The following TENM2 variants were observed in gnomAD, a reference collection of about 807,000 sequenced individuals.
TENM2 encodes teneurin-2.
TENM2 carries 52 observed loss-of-function variants against 245.2 expected under a neutral mutation model. The observed-to-expected ratio is 0.21, with a 90% CI of 0.17 to 0.27. The LOEUF is 0.27. Among genes scored for constraint, TENM2 ranks in the 10% least tolerant of loss-of-function variants. The pLI, the probability that TENM2 is intolerant of heterozygous loss-of-function variation, is 1.00. For synonymous variants in TENM2, 1,363 were observed against 1,438.9 expected, an observed-to-expected ratio of 0.95 and a Z score of 1.19; for missense variants, 3,046 against 3,666.8, an observed-to-expected ratio of 0.83 and a Z score of 4.37.
chr5:167,377,799 G>A (rs1368812834), intron 2 of TENM2, among the ~76,000 whole-genome samples: 1 of 152,074 alleles, frequency 6.6e-6, no homozygotes, highest in African/African-American at 2.4e-5. Flanking sequence ...ATTGACAGTT[G>A]CCCCACTGGT....
At chr5:167,998,936 G>A (rs1287433128) in intron 5 of TENM2, among the ~76,000 whole-genome samples, 1 of 152,150 alleles carries the variant, frequency 6.6e-6, no homozygotes, top group Non-Finnish European at 1.5e-5. Context: ...GTTTAAAGTT[G>A]CTACACTTGA....
chr5:167,466,987 G>T (rs1766699836), intron 2 of TENM2, among the ~76,000 whole-genome samples: 1 of 152,128 alleles, frequency 6.6e-6, no homozygotes, highest in Non-Finnish European at 1.5e-5. Context: ...AACATAAGTT[G>T]CCCAGCCAAA....
At chr5:167,104,005 A>T in the TENM2 span, among the ~76,000 whole-genome samples, 1 of 152,048 alleles carries the variant, frequency 6.6e-6, no homozygotes, top group African/African-American at 2.4e-5. Context: ...TTTGGTCTTG[A>T]AACTCTACTC....
intron 2 of TENM2, among the ~76,000 whole-genome samples, chr5:167,713,911 C>G (rs748396169): frequency 2.1e-4 from 32 of 152,178 alleles, no homozygotes; most frequent in Non-Finnish European, 3.5e-4. Context: ...CATCATTGTT[C>G]AGAATATGCT....
chr5:167,915,625 C>T (rs1561930163), intron 3 of TENM2, among the ~76,000 whole-genome samples: 1 of 152,134 alleles, frequency 6.6e-6, no homozygotes, highest in Non-Finnish European at 1.5e-5. Flanking sequence ...CATCCCCATT[C>T]TCCAATCCCT....
chr5:167,842,979 C>G (rs1157966738), intron 2 of TENM2, among the ~76,000 whole-genome samples: 5 of 152,112 alleles, frequency 3.3e-5, no homozygotes, highest in Admixed American at 3.3e-4. Flanking sequence ...TGAAATGCCT[C>G]CTACATAGCA....
At chr5:168,073,946 T>C (rs1318885467) in intron 7 of TENM2, among the ~76,000 whole-genome samples, 4 of 152,208 alleles carry the variant, frequency 2.6e-5, no homozygotes, top group African/African-American at 9.6e-5. Flanking sequence ...GAGCTAGCCC[T>C]GCCCTCATGT....
the TENM2 span, among the ~76,000 whole-genome samples, chr5:167,195,198 G>A: frequency 6.6e-6 from 1 of 152,020 alleles, no homozygotes; most frequent in African/African-American, 2.4e-5. Context: ...TATTAGCTGT[G>A]TACTTCTGCT....
chr5:167,744,112 C>A (rs931288180), intron 2 of TENM2, among the ~76,000 whole-genome samples: 5 of 152,278 alleles, frequency 3.3e-5, no homozygotes, highest in South Asian at 2.1e-4. Context: ...GTTTATTCAG[C>A]CTTATTACAA....
chr5:167,266,858 C>G, the TENM2 span, among the ~76,000 whole-genome samples: 82 of 152,240 alleles, frequency 5.4e-4, no homozygotes, highest in African/African-American at 1.6e-3. Context: ...TGTGAATGTG[C>G]CATGCTAGAT....
At chr5:168,013,551 C>T (rs1160929540) in intron 5 of TENM2, among the ~76,000 whole-genome samples, 4 of 152,176 alleles carry the variant, frequency 2.6e-5, no homozygotes, top group African/African-American at 9.7e-5. Context: ...CTGCAGTGAG[C>T]CGAGATCGTG....
chr5:168,258,585 G>A (rs1161508482), intron 27 of TENM2, among the ~76,000 whole-genome samples: 1 of 152,152 alleles, frequency 6.6e-6, no homozygotes, highest in African/African-American at 2.4e-5. Context: ...CTCCACAATG[G>A]ATGAAACTTA....
chr5:167,133,435 G>C, the TENM2 span, among the ~76,000 whole-genome samples: 1 of 152,152 alleles, frequency 6.6e-6, no homozygotes, highest in African/African-American at 2.4e-5. Context: ...TTAAAGAATA[G>C]AATAGAATAG....
At chr5:167,944,200 C>G (rs866486755) in intron 3 of TENM2, among the ~76,000 whole-genome samples, 1 of 152,162 alleles carries the variant, frequency 6.6e-6, no homozygotes, top group East Asian at 1.9e-4. Context: ...AGCTATTAAG[C>G]TCTTAACCCA....
intron 2 of TENM2, among the ~76,000 whole-genome samples, chr5:167,457,208 C>T (rs1765976208): frequency 6.6e-6 from 1 of 151,986 alleles, no homozygotes; most frequent in South Asian, 2.1e-4. Context: ...GTTAGTAGAC[C>T]AATCATTCTA....
chr5:168,086,635 G>A (rs1792483031), intron 7 of TENM2, among the ~76,000 whole-genome samples: 2 of 152,184 alleles, frequency 1.3e-5, no homozygotes, highest in African/African-American at 2.4e-5. Flanking sequence ...ATTTGGTCAT[G>A]TGCCTCCTAA....
chr5:167,507,706 T>G (rs1050530094), intron 2 of TENM2, among the ~76,000 whole-genome samples: 1 of 151,972 alleles, frequency 6.6e-6, no homozygotes, highest in Non-Finnish European at 1.5e-5. Flanking sequence ...CAATGAAAAC[T>G]AAAATAAAAA....
intron 2 of TENM2, among the ~76,000 whole-genome samples, chr5:167,405,874 A>G (rs1762613044): frequency 6.6e-6 from 1 of 152,066 alleles, no homozygotes; most frequent in South Asian, 2.1e-4. Flanking sequence ...CTGTTGAGAC[A>G]GAAATAATGT....
In TENM2 at chr5:168,247,455, G is replaced by A. The variant is rs745731299; in HGVS notation, c.6516G>A (p.Met2172Ile). 6.2e-6 allele frequency: 10 copies of A among 1,613,328 alleles called. No individual in the cohort carries two copies. The Admixed American group carries it at 1.7e-4, about 27-fold the overall frequency. Reference sequence around the variant, plus strand: ...AGTATGAGATGTTCCGGTCCCTCATGTACTGGATGACGGTGCAATATGACA... The same window carrying A: ...AGTATGAGATGTTCCGGTCCCTCATATACTGGATGACGGTGCAATATGACA... Residue 2172 changes from methionine (M) to isoleucine (I), a missense_variant, in exon 27 of 29, where the codon ATG becomes ATA. By Grantham distance (10) the Met-to-Ile change is conservative (BLOSUM62 1). Coordinates refer to ENST00000518659, the Ensembl canonical transcript of TENM2. This position sits in a 1 kb window ranked among gnomAD's most constrained non-coding sequence, Gnocchi z 7.8.
Sources: allele counts gnomAD v4.1 joint callset (sites outside exome capture counted in the v4.1 genomes callset), GRCh38; gene constraint gnomAD v4.1.1; non-coding constraint Gnocchi (gnomAD v3.1); transcripts MANE v1.5; gene names NCBI Gene and HGNC (gene_info 2026-07-23, HGNC 2026-07-21).